RANBP2: variants seen among roughly 807,000 people sequenced by gnomAD.
RANBP2 encodes the protein RAN binding protein 2, also known as E3 SUMO-protein ligase RanBP2.
Under a neutral mutation model 303.6 loss-of-function variants are expected in RANBP2, and 57 were observed. The ratio of observed to expected loss-of-function variants is 0.19; its 90% CI spans 0.15 to 0.23. RANBP2 has a LOEUF of 0.23. RANBP2 is among the 10% of genes least tolerant of loss of function. RANBP2 has a pLI of 1.00. For missense variants in RANBP2, 3,138 were observed against 3,780.8 expected (o/e 0.83, Z 4.46); for synonymous variants, 1,167 against 1,301.5 (o/e 0.90, Z 2.23).
the RANBP2 span, among the ~76,000 whole-genome samples, chr2:109,004,853 C>G: frequency 6.6e-6 from 1 of 152,206 alleles, no homozygotes; most frequent in African/African-American, 2.4e-5. Context: ...TTTTATTCAT[C>G]TGACTCCCTG....
At chr2:109,234,496 C>G in the RANBP2 span, among the ~76,000 whole-genome samples, 1 of 152,258 alleles carries the variant, frequency 6.6e-6, no homozygotes, top group Non-Finnish European at 1.5e-5. Context: ...ACATTCTTCT[C>G]AGCGAGTAGC....
chr2:109,394,924 G>A, the RANBP2 span, among the ~76,000 whole-genome samples: 2 of 152,356 alleles, frequency 1.3e-5, no homozygotes, highest in East Asian at 3.9e-4. Context: ...GGGAGCCGCC[G>A]TCCCGCACAG....
At chr2:109,377,486 G>A in the RANBP2 span, among the ~76,000 whole-genome samples, 6 of 152,178 alleles carry the variant, frequency 3.9e-5, no homozygotes, top group African/African-American at 1.4e-4. Flanking sequence ...ACTCTGTGAC[G>A]CCAGACCCAA....
At chr2:109,241,496 C>T in the RANBP2 span, among the ~76,000 whole-genome samples, 2 of 151,954 alleles carry the variant, frequency 1.3e-5, no homozygotes, top group African/African-American at 4.8e-5. Flanking sequence ...TACATAAGCT[C>T]GTATTACATT....
the RANBP2 span, among the ~76,000 whole-genome samples, chr2:109,297,273 A>G: frequency 6.6e-6 from 1 of 152,090 alleles, no homozygotes; most frequent in Non-Finnish European, 1.5e-5. Flanking sequence ...GTTAATACAA[A>G]TGCTGTACGT....
the RANBP2 span, among the ~76,000 whole-genome samples, chr2:109,440,049 A>G: frequency 2.6e-5 from 4 of 152,158 alleles, no homozygotes; most frequent in African/African-American, 9.7e-5. Flanking sequence ...GACAAAAGAG[A>G]AAGGAGGTTC....
At chr2:109,357,483 C>T in the RANBP2 span, among the ~76,000 whole-genome samples, 6 of 152,204 alleles carry the variant, frequency 3.9e-5, no homozygotes, top group Non-Finnish European at 7.3e-5. Context: ...ACCCGGCCAA[C>T]AGAATATATT....
At chr2:109,265,989 C>T in the RANBP2 span, among the ~76,000 whole-genome samples, 1 of 151,954 alleles carries the variant, frequency 6.6e-6, no homozygotes, top group Non-Finnish European at 1.5e-5. Context: ...TGCTTATGTG[C>T]GCATGTGTGT....
At chr2:109,529,678 G>C in the RANBP2 span, among the ~76,000 whole-genome samples, 2 of 152,232 alleles carry the variant, frequency 1.3e-5, no homozygotes, top group Non-Finnish European at 2.9e-5. Context: ...TGTGGAAGGC[G>C]TTGAGGGGCG....
At chr2:108,857,936 A>G in the RANBP2 span, among the ~76,000 whole-genome samples, 3 of 152,258 alleles carry the variant, frequency 2.0e-5, no homozygotes, top group Admixed American at 6.5e-5. Context: ...ATTTTATGAA[A>G]TAGTTGACCT....
chr2:109,377,204 T>A, the RANBP2 span, among the ~76,000 whole-genome samples: 1 of 152,166 alleles, frequency 6.6e-6, no homozygotes, highest in African/African-American at 2.4e-5. Flanking sequence ...GGGTGCACAC[T>A]CCTCTCCACT....
the RANBP2 span, among the ~76,000 whole-genome samples, chr2:109,642,538 A>G: frequency 6.6e-6 from 1 of 150,568 alleles, no homozygotes; most frequent in Non-Finnish European, 1.5e-5. Flanking sequence ...TCATGAGGTC[A>G]GGAGATTGAG....
the RANBP2 span, among the ~76,000 whole-genome samples, chr2:109,630,464 A>G: frequency 1.5e-4 from 23 of 152,252 alleles, no homozygotes; most frequent in South Asian, 4.4e-3. Context: ...AGCCAATCCT[A>G]TACTGTCCAT....
At chr2:109,371,744 G>T in the RANBP2 span, 12 of 1,435,986 alleles carry the variant, frequency 8.4e-6, no homozygotes, top group Non-Finnish European at 1.1e-5. Context: ...CACTACAGTG[G>T]GGTCACCTGA....
the RANBP2 span, among the ~76,000 whole-genome samples, chr2:108,836,140 G>A: frequency 6.6e-6 from 1 of 152,056 alleles, no homozygotes; most frequent in Non-Finnish European, 1.5e-5. Context: ...TCAAACCATA[G>A]CGCTTATTAA....
chr2:109,291,280 CTTTTTT>C, the RANBP2 span, among the ~76,000 whole-genome samples: 2 of 137,272 alleles, frequency 1.5e-5, no homozygotes, highest in African/African-American at 5.4e-5. Flanking sequence ...AGAGTAATCT[CTTTTTT>C]TTTTTTTTTT....
At chr2:109,163,403 T>TC in the RANBP2 span, among the ~76,000 whole-genome samples, 1 of 130,076 alleles carries the variant, frequency 7.7e-6, no homozygotes, top group East Asian at 2.2e-4. Flanking sequence ...TTTTTTTTTT[T>TC]TTTTTTTTTT....
At chr2:109,639,152 G>A in the RANBP2 span, among the ~76,000 whole-genome samples, 15 of 152,060 alleles carry the variant, frequency 9.9e-5, no homozygotes, top group East Asian at 3.8e-4. Flanking sequence ...CATATTTTTC[G>A]TTCTGAATTG....
chr2:109,028,837 C>A, the RANBP2 span, among the ~76,000 whole-genome samples: 1 of 152,222 alleles, frequency 6.6e-6, no homozygotes, highest in Non-Finnish European at 1.5e-5. Context: ...CAGCCTCACA[C>A]TCTCAGGATC....
Sources: gnomAD v4.1 joint callset for allele counts (sites outside exome capture counted in the v4.1 genomes callset) on GRCh38, gnomAD v4.1.1 for gene constraint, MANE v1.5 for transcripts, NCBI Gene and HGNC (gene_info 2026-07-23, HGNC 2026-07-21) for gene names.